TRPS1: variants seen among roughly 807,000 people sequenced by gnomAD.
The protein encoded by TRPS1 is zinc finger transcription factor Trps1.
Under a neutral mutation model 101.2 loss-of-function variants are expected in TRPS1, and 6 were observed. That is an observed-to-expected ratio of 0.06 (90% CI 0.03 to 0.12). The LOEUF (loss-of-function observed/expected upper bound fraction) is 0.12. Among genes scored for constraint, TRPS1 ranks in the 10% least tolerant of loss-of-function variants. TRPS1 has a pLI of 1.00. For synonymous variants in TRPS1, 578 were observed against 589.8 expected (o/e 0.98, Z 0.29); for missense variants, 1,363 against 1,567.0 (o/e 0.87, Z 2.20).
Position 115,604,787 on chromosome 8 carries a change from C to T in TRPS1, c.1182G>A (p.Lys394=). The stretch of plus-strand genomic sequence containing the variant: ...CACTGGATTGAAGTGCAGGGATGGA[C>T]TTGTTAGAGTTTTTCTCTGAAGGTT... ...VAKPSEKNSN[K]SIPALQSSDS... Residue 394 remains lysine (K), a synonymous_variant, in exon 4 of 7, where the codon AAG becomes AAA. Coordinates refer to ENST00000395715, the MANE Select transcript of TRPS1 (RefSeq NM_014112.5). The surrounding 1 kb of genome is among the most constrained non-coding windows in gnomAD (Gnocchi z 4.1). 6.2e-7 allele frequency: 1 copy of T among 1,613,974 alleles called. No individual in the cohort carries two copies. Among genetic ancestry groups the T allele is most frequent in the Non-Finnish European group, 8.5e-7 (1 of 1,179,968 alleles).
chr8:115,479,939 G>C (rs1814709299), intron 5 of TRPS1, among the ~76,000 whole-genome samples: 1 of 152,048 alleles, frequency 6.6e-6, no homozygotes, highest in Admixed American at 6.6e-5. Flanking sequence ...CAATTCCCAG[G>C]TAGTAAAATG....
At chr8:115,570,804 AT>A (rs1817186607) in intron 5 of TRPS1, among the ~76,000 whole-genome samples, 2 of 152,152 alleles carry the variant, frequency 1.3e-5, no homozygotes, top group African/African-American at 4.8e-5. Context: ...CCTTAAAATC[AT>A]AAGAACTGGA....
intron 5 of TRPS1, among the ~76,000 whole-genome samples, chr8:115,511,502 C>T (rs1156925159): frequency 6.6e-6 from 1 of 151,820 alleles, no homozygotes; most frequent in Non-Finnish European, 1.5e-5. Flanking sequence ...CTTTTTCTTT[C>T]TCTTCTCCAA....
chr8:115,496,134 T>C (rs1815144100), intron 5 of TRPS1, among the ~76,000 whole-genome samples: 1 of 152,166 alleles, frequency 6.6e-6, no homozygotes, highest in Non-Finnish European at 1.5e-5. Flanking sequence ...AAAAATCCAT[T>C]ACATCCAATC....
chr8:115,493,524 T>C (rs1180432120), intron 5 of TRPS1, among the ~76,000 whole-genome samples: 1 of 152,110 alleles, frequency 6.6e-6, no homozygotes, highest in African/African-American at 2.4e-5. Context: ...TAATTTTGTA[T>C]TTTTAGTAGA....
At chr8:115,617,421 C>T (rs923020914) in intron 3 of TRPS1, among the ~76,000 whole-genome samples, 1 of 152,236 alleles carries the variant, frequency 6.6e-6, no homozygotes, top group South Asian at 2.1e-4. Context: ...ATAAACTTTA[C>T]TATAAATAAC....
intron 4 of TRPS1, among the ~76,000 whole-genome samples, chr8:115,588,865 A>G (rs1349732484): frequency 6.6e-6 from 1 of 152,224 alleles, no homozygotes; most frequent in Non-Finnish European, 1.5e-5. Context: ...CTGGGTACAC[A>G]TTGGTGAATA....
At chr8:115,563,440 G>A (rs1384521953) in intron 5 of TRPS1, among the ~76,000 whole-genome samples, 1 of 152,036 alleles carries the variant, frequency 6.6e-6, no homozygotes, top group Non-Finnish European at 1.5e-5. Context: ...CCAGGAAACT[G>A]AGCTCCAAAC....
chr8:115,613,492 G>T (rs1245705974), intron 3 of TRPS1, among the ~76,000 whole-genome samples: 1 of 152,078 alleles, frequency 6.6e-6, no homozygotes, highest in Non-Finnish European at 1.5e-5. Flanking sequence ...CTATTGCTTT[G>T]CTATTGGCAG....
intron 4 of TRPS1, among the ~76,000 whole-genome samples, chr8:115,595,430 C>A (rs2130466880): frequency 6.6e-6 from 1 of 151,870 alleles, no homozygotes; most frequent in Non-Finnish European, 1.5e-5. Context: ...AGAACATAAT[C>A]CAAGAAAAAT....
chr8:115,530,477 C>T (rs1342782701), intron 5 of TRPS1, among the ~76,000 whole-genome samples: 1 of 152,016 alleles, frequency 6.6e-6, no homozygotes, highest in Non-Finnish European at 1.5e-5. Flanking sequence ...TAAGGCAAGA[C>T]AAAAATAATC....
At chr8:115,448,971 C>T (rs1047069230) in intron 5 of TRPS1, among the ~76,000 whole-genome samples, 4 of 152,080 alleles carry the variant, frequency 2.6e-5, no homozygotes, top group African/African-American at 7.2e-5. Context: ...AATACAGACC[C>T]CTTTGCTGTA....
intron 5 of TRPS1, among the ~76,000 whole-genome samples, chr8:115,534,845 T>C (rs939064869): frequency 3.9e-5 from 6 of 152,030 alleles, no homozygotes; most frequent in African/African-American, 1.4e-4. Context: ...TACTAATTAT[T>C]TGGGTAAAAT....
At chr8:115,648,333 TGA>T (rs1811472810) in intron 1 of TRPS1, among the ~76,000 whole-genome samples, 2 of 151,976 alleles carry the variant, frequency 1.3e-5, no homozygotes, top group Non-Finnish European at 2.9e-5. Context: ...CAGCCGAGGA[TGA>T]GAGAGGTAAC....
chr8:115,471,008 C>A (rs529112690), intron 5 of TRPS1, among the ~76,000 whole-genome samples: 1 of 152,144 alleles, frequency 6.6e-6, no homozygotes, highest in Non-Finnish European at 1.5e-5. Context: ...GCAAATATCA[C>A]GTAAAGATGG....
chr8:115,612,448 G>C (rs1286161230), intron 3 of TRPS1, among the ~76,000 whole-genome samples: 1 of 152,168 alleles, frequency 6.6e-6, no homozygotes, highest in Non-Finnish European at 1.5e-5. Context: ...ATATCAAACA[G>C]AAATCCAAGG....
intron 1 of TRPS1, among the ~76,000 whole-genome samples, chr8:115,628,074 T>G (rs1563655106): frequency 1.3e-5 from 2 of 151,858 alleles, no homozygotes; most frequent in Non-Finnish European, 2.9e-5. Context: ...TCTGTATGTG[T>G]GCATGTGCAT....
chr8:115,570,232 C>A (rs1817168564), intron 5 of TRPS1, among the ~76,000 whole-genome samples: 1 of 151,962 alleles, frequency 6.6e-6, no homozygotes. Flanking sequence ...ACTAGATAAT[C>A]TTATACCCTA....
intron 5 of TRPS1, among the ~76,000 whole-genome samples, chr8:115,563,445 C>G (rs6998861): frequency 0.043 from 6,495 of 152,088 alleles, 454 homozygotes; most frequent in African/African-American, 0.15. Context: ...AAACTGAGCT[C>G]CAAACCTAAT....
Sources: allele counts gnomAD v4.1 joint callset (sites outside exome capture counted in the v4.1 genomes callset), GRCh38; gene constraint gnomAD v4.1.1; non-coding constraint Gnocchi (gnomAD v3.1); transcripts MANE v1.5; gene names NCBI Gene and HGNC (gene_info 2026-07-23, HGNC 2026-07-21).